PRKAR2B: variants seen among roughly 807,000 people sequenced by gnomAD.
PRKAR2B encodes cAMP-dependent protein kinase type II-beta regulatory subunit.
Under a neutral mutation model 49.9 loss-of-function variants are expected in PRKAR2B, and 14 were observed. That is an observed-to-expected ratio of 0.28 (90% confidence interval 0.19 to 0.44). The LOEUF is 0.44. Ranked by LOEUF, PRKAR2B falls within the 20% of genes least tolerant of loss-of-function variation. The probability of loss-of-function intolerance (pLI) is 1.00; values close to 1 mark genes in which losing one functional copy is unlikely to be tolerated. For missense variants in PRKAR2B, 393 were observed against 537.9 expected (o/e 0.73, Z 2.67); for synonymous variants, 196 against 197.7 (o/e 0.99, Z 0.07).
chr7:107,132,311 G>T (rs909619233), intron 4 of PRKAR2B, among the ~76,000 whole-genome samples: 1 of 152,192 alleles, frequency 6.6e-6, no homozygotes, highest in African/African-American at 2.4e-5. Context: ...ATTCTTTCTC[G>T]AATGCTATGC....
chr7:107,067,694 G>A (rs993723907), intron 1 of PRKAR2B, among the ~76,000 whole-genome samples: 4 of 152,194 alleles, frequency 2.6e-5, no homozygotes, highest in Admixed American at 6.5e-5. Flanking sequence ...TGCAAACGGA[G>A]TCTGATCAAA....
chr7:107,143,220 C>T (rs193287350), intron 5 of PRKAR2B, among the ~76,000 whole-genome samples: 65 of 152,238 alleles, frequency 4.3e-4, no homozygotes, highest in South Asian at 2.5e-3. Flanking sequence ...TAGTGTAAAT[C>T]GAAGAGTTTA....
intron 1 of PRKAR2B, among the ~76,000 whole-genome samples, chr7:107,050,977 T>A (rs1264495085): frequency 6.6e-6 from 1 of 152,178 alleles, no homozygotes; most frequent in Non-Finnish European, 1.5e-5. Context: ...ATTAGAGGCG[T>A]GAGCCACTGC....
intron 2 of PRKAR2B, among the ~76,000 whole-genome samples, chr7:107,121,024 A>T (rs879785004): frequency 1.6e-4 from 24 of 150,826 alleles, no homozygotes; most frequent in Non-Finnish European, 3.0e-4. Flanking sequence ...ACTATTTAAT[A>T]ATTTTTTAAA....
In PRKAR2B at chr7:107,159,592, A is replaced by G; in HGVS notation, c.*10A>G. On this transcript the variant is annotated 3_prime_UTR_variant, in exon 11 of 11. Transcript: ENST00000265717. ...TGAACCCACTGCATGAAGCAAAAGT[A>G]TGGAGCAAGACCTGTAGTGACAAAA... 1 of 1,614,066 alleles carries G rather than the reference A, an allele frequency of 6.2e-7. No individual in the cohort carries two copies.
intron 2 of PRKAR2B, among the ~76,000 whole-genome samples, chr7:107,110,611 G>A (rs1453094068): frequency 6.6e-6 from 1 of 151,666 alleles, no homozygotes; most frequent in African/African-American, 2.4e-5. Flanking sequence ...TTAGAGCCAC[G>A]AGGCCCTCTT....
chr7:107,144,600 A>G (rs1159281953), intron 5 of PRKAR2B, among the ~76,000 whole-genome samples: 1 of 151,824 alleles, frequency 6.6e-6, no homozygotes, highest in East Asian at 1.9e-4. Flanking sequence ...AGCTAGGAGT[A>G]CAGGCATGTG....
At chr7:107,090,168 C>T (rs1184763730) in intron 2 of PRKAR2B, among the ~76,000 whole-genome samples, 1 of 152,170 alleles carries the variant, frequency 6.6e-6, no homozygotes, top group Non-Finnish European at 1.5e-5. Flanking sequence ...CACCAAGTCA[C>T]AGCAAGGGTA....
chr7:107,145,107 G>T (rs2115650627), intron 5 of PRKAR2B, among the ~76,000 whole-genome samples: 1 of 152,236 alleles, frequency 6.6e-6, no homozygotes, highest in South Asian at 2.1e-4. Context: ...TATCTAGTCT[G>T]AATTTCTACT....
chr7:107,128,333 T>C (rs1253551880), intron 4 of PRKAR2B, 38 bp downstream of exon 4: 3 of 1,474,038 alleles, frequency 2.0e-6, no homozygotes, highest in African/African-American at 1.4e-5. Flanking sequence ...GCTTTGTTTT[T>C]TCCCCCAGTG....
intron 2 of PRKAR2B, among the ~76,000 whole-genome samples, chr7:107,097,187 G>A (rs1794857203): frequency 6.6e-6 from 1 of 152,062 alleles, no homozygotes; most frequent in South Asian, 2.1e-4. Context: ...TATGAATCTG[G>A]GTGCTCCTGT....
At chr7:107,115,567 T>C (rs536105775) in intron 2 of PRKAR2B, among the ~76,000 whole-genome samples, 2 of 152,330 alleles carry the variant, frequency 1.3e-5, no homozygotes, top group South Asian at 4.1e-4. Flanking sequence ...AGCCTTATTC[T>C]GTAGACTTTT....
intron 2 of PRKAR2B, among the ~76,000 whole-genome samples, chr7:107,102,744 C>T (rs1794996571): frequency 6.6e-6 from 1 of 152,204 alleles, no homozygotes; most frequent in South Asian, 2.1e-4. Context: ...CATCTCAGCT[C>T]ATTGCAACCT....
chr7:107,095,200 TCTC>T (rs1794812889), intron 2 of PRKAR2B, among the ~76,000 whole-genome samples: 1 of 152,134 alleles, frequency 6.6e-6, no homozygotes. Flanking sequence ...GGTTTGTAGT[TCTC>T]CTTGAAGAAG....
At chr7:107,089,467 C>G (rs1794680263) in intron 2 of PRKAR2B, among the ~76,000 whole-genome samples, 1 of 152,174 alleles carries the variant, frequency 6.6e-6, no homozygotes. Flanking sequence ...CTCATAAACA[C>G]CAACTACTGC....
chr7:107,148,776 T>A (rs993746495), intron 6 of PRKAR2B, among the ~76,000 whole-genome samples: 1 of 152,138 alleles, frequency 6.6e-6, no homozygotes, highest in Non-Finnish European at 1.5e-5. Context: ...ATAGTCTCAC[T>A]CTGTAAATAA....
intron 7 of PRKAR2B, among the ~76,000 whole-genome samples, chr7:107,151,994 A>G (rs2115668304): frequency 6.6e-6 from 1 of 152,208 alleles, no homozygotes; most frequent in East Asian, 1.9e-4. Context: ...TCCAACTGCA[A>G]ATGTAAGATT....
chr7:107,138,678 T>G (rs1373017568), intron 4 of PRKAR2B, among the ~76,000 whole-genome samples: 1 of 148,192 alleles, frequency 6.7e-6, no homozygotes, highest in Non-Finnish European at 1.5e-5. Flanking sequence ...CTCTCCTGAG[T>G]AGCTGAGACT....
At chr7:107,101,531 T>C (rs1303351546) in intron 2 of PRKAR2B, among the ~76,000 whole-genome samples, 1 of 152,210 alleles carries the variant, frequency 6.6e-6, no homozygotes, top group Non-Finnish European at 1.5e-5. Context: ...GCTTGGAGAA[T>C]TTATCAAGTG....
Sources: gnomAD v4.1 joint callset for allele counts (sites outside exome capture counted in the v4.1 genomes callset) on GRCh38, gnomAD v4.1.1 for gene constraint, MANE v1.5 for transcripts, NCBI Gene and HGNC (gene_info 2026-07-23, HGNC 2026-07-21) for gene names.